TPTE2: variants seen among roughly 807,000 people sequenced by gnomAD.
The protein encoded by TPTE2 is phosphatidylinositol 3,4,5-trisphosphate 3-phosphatase TPTE2.
A neutral mutation model predicts 78.6 loss-of-function variants in TPTE2; 53 were observed. The ratio of observed to expected loss-of-function variants is 0.67; its 90% confidence interval spans 0.54 to 0.85. TPTE2 has a LOEUF of 0.85. Ranked by LOEUF, TPTE2 falls within the 40% of genes least tolerant of loss-of-function variation. The probability of loss-of-function intolerance (pLI) is 0.00; values close to 1 mark genes in which losing one functional copy is unlikely to be tolerated. For synonymous variants in TPTE2, 175 were observed against 206.2 expected, an observed-to-expected ratio of 0.85 and a Z score of 1.30; for missense variants, 461 against 623.0, an observed-to-expected ratio of 0.74 and a Z score of 2.77.
intron 3 of TPTE2, among the ~76,000 whole-genome samples, chr13:19,484,321 A>C (rs1290703783): frequency 1.3e-5 from 2 of 152,210 alleles, no homozygotes; most frequent in African/African-American, 4.8e-5. Flanking sequence ...TGGTAAGATA[A>C]GATACCTGAT....
intron 13 of TPTE2, among the ~76,000 whole-genome samples, chr13:19,445,419 A>C (rs1196094785): frequency 2.4e-3 from 1 of 410 alleles, no homozygotes; most frequent in Admixed American, 0.038. Context: ...CACACACCCA[A>C]AAGGCTAAAG....
At chr13:19,457,951 TA>T (rs1274990044) in intron 10 of TPTE2, among the ~76,000 whole-genome samples, 6 of 152,126 alleles carry the variant, frequency 3.9e-5, no homozygotes, top group Non-Finnish European at 8.8e-5. Context: ...AAGAGGCAAA[TA>T]AACACAAAAT....
In TPTE2 at chr13:19,473,959, C is replaced by A. The variant is rs201242841; in HGVS notation, c.347G>T (p.Gly116Val). 152 of 1,604,730 alleles carry A rather than the reference C, an allele frequency of 9.5e-5. 1 individual carries two copies. The highest frequency in any genetic ancestry group is 2.3e-4 in the Middle Eastern group (1 of 4,422). ...AAGAACATCCATGAGAAAAAATAAG[C>A]CAATAGCTAGAGAAATAGAACGATA... The change falls in exon 6 of 20, where the codon GGC (glycine) becomes GTC (valine). Residue 116 changes from glycine (G) to valine (V), a missense_variant. Transcript: ENST00000400230.
chr13:19,545,474 A>T, the TPTE2 span, among the ~76,000 whole-genome samples: 99,084 of 152,124 alleles, frequency 0.65, 34,807 homozygotes, highest in East Asian at 0.88. Context: ...AGAGAAGAAT[A>T]AAGTGAAAGT....
chr13:19,461,687 T>C (rs371829915), intron 10 of TPTE2, among the ~76,000 whole-genome samples: 6 of 151,774 alleles, frequency 4.0e-5, no homozygotes, highest in Admixed American at 6.6e-5. Context: ...GCTCTAGTGT[T>C]GGGTACATAT....
intron 10 of TPTE2, among the ~76,000 whole-genome samples, chr13:19,453,680 A>G (rs943293409): frequency 7.2e-5 from 11 of 151,950 alleles, no homozygotes; most frequent in African/African-American, 2.7e-4. Flanking sequence ...AATCTAGAAA[A>G]AATTCAACTC....
chr13:19,556,674 T>G, the TPTE2 span, among the ~76,000 whole-genome samples: 1 of 152,136 alleles, frequency 6.6e-6, no homozygotes. Context: ...TACAGGCATA[T>G]ACCACCATGC....
At chr13:19,450,030 TTA>T in intron 13 of TPTE2, 44 bp downstream of exon 16, 1 of 1,603,092 alleles carries the variant, frequency 6.2e-7, no homozygotes, top group Non-Finnish European at 8.5e-7. Context: ...TTATCTATAT[TTA>T]CATGTCTTTA....
chr13:19,554,993 C>T, the TPTE2 span, among the ~76,000 whole-genome samples: 1 of 152,142 alleles, frequency 6.6e-6, no homozygotes, highest in African/African-American at 2.4e-5. Context: ...GCCTTTTCCA[C>T]CATCATTAGG....
intron 1 of TPTE2, among the ~76,000 whole-genome samples, chr13:19,497,403 T>C (rs1405359991): frequency 7.5e-6 from 1 of 132,672 alleles, no homozygotes. Context: ...TGTCCCTGTC[T>C]GACAGCTTTG....
At chr13:19,538,653 C>T (rs1333817522), upstream of TPTE2, among the ~76,000 whole-genome samples, 1 of 151,864 alleles carries the variant, frequency 6.6e-6, no homozygotes, top group East Asian at 1.9e-4. Context: ...CTCAGCCTCC[C>T]GAATAACTGG....
At chr13:19,516,819 A>G (rs1470370505) in intron 1 of TPTE2, among the ~76,000 whole-genome samples, 3 of 152,224 alleles carry the variant, frequency 2.0e-5, no homozygotes, top group Non-Finnish European at 2.9e-5. Context: ...CGTATTTTTA[A>G]GGACATTAAC....
the TPTE2 span, among the ~76,000 whole-genome samples, chr13:19,543,880 T>A: frequency 6.6e-6 from 1 of 151,432 alleles, no homozygotes; most frequent in Non-Finnish European, 1.5e-5. Flanking sequence ...CTGGGCAATA[T>A]GGCGAAACCC....
chr13:19,499,792 C>G (rs1315265393), intron 1 of TPTE2, among the ~76,000 whole-genome samples: 41 of 149,252 alleles, frequency 2.7e-4, no homozygotes, highest in Non-Finnish European at 2.7e-4. Flanking sequence ...CAAGAAATAA[C>G]TAAAATCAGA....
At chr13:19,440,082 A>C (rs1217523765) in intron 13 of TPTE2, among the ~76,000 whole-genome samples, 1 of 152,230 alleles carries the variant, frequency 6.6e-6, no homozygotes, top group East Asian at 1.9e-4. Flanking sequence ...TAGACATCTA[A>C]GTACAGTAAA....
chr13:19,496,669 G>C (rs1215227144), intron 1 of TPTE2, among the ~76,000 whole-genome samples: 3 of 152,160 alleles, frequency 2.0e-5, no homozygotes, highest in Non-Finnish European at 2.9e-5. Context: ...GGGCTTCCCT[G>C]CTCCTTGTCA....
At chr13:19,516,750 C>T (rs1869819236) in intron 1 of TPTE2, among the ~76,000 whole-genome samples, 1 of 152,132 alleles carries the variant, frequency 6.6e-6, no homozygotes, top group South Asian at 2.1e-4. Context: ...CAACCAGCCG[C>T]CCCTGTAGGA....
chr13:19,545,045 CACCT>C, the TPTE2 span, among the ~76,000 whole-genome samples: 1 of 152,084 alleles, frequency 6.6e-6, no homozygotes, highest in Non-Finnish European at 1.5e-5. Flanking sequence ...TCCCTTGTAA[CACCT>C]ACCAACTGGC....
chr13:19,501,773 A>C (rs1049922778), intron 1 of TPTE2, among the ~76,000 whole-genome samples: 3 of 152,028 alleles, frequency 2.0e-5, no homozygotes, highest in African/African-American at 4.8e-5. Flanking sequence ...CACCAAAAGC[A>C]ATGGCAAGAA....
Sources: allele counts gnomAD v4.1 joint callset (sites outside exome capture counted in the v4.1 genomes callset), GRCh38; gene constraint gnomAD v4.1.1; transcripts MANE v1.5; gene names NCBI Gene and HGNC (gene_info 2026-07-23, HGNC 2026-07-21).